The following CHSY3 variants were observed in gnomAD, a reference collection of about 807,000 sequenced individuals.
CHSY3 encodes the protein N-acetylgalactosaminyl-proteoglycan 3-beta-glucuronosyltransferase 3.
CHSY3 carries 35 observed loss-of-function variants against 67.2 expected under a neutral mutation model. That is an observed-to-expected ratio of 0.52 (90% CI 0.40 to 0.69). The LOEUF (loss-of-function observed/expected upper bound fraction) is 0.69. Among genes scored for constraint, CHSY3 ranks in the 30% least tolerant of loss-of-function variants. The pLI is 0.00. For synonymous variants in CHSY3, 474 were observed against 434.7 expected, an observed-to-expected ratio of 1.09 and a Z score of -1.12; for missense variants, 1,069 against 1,138.5, an observed-to-expected ratio of 0.94 and a Z score of 0.88.
At chr5:130,024,083 T>C (rs528692904) in intron 2 of CHSY3, among the ~76,000 whole-genome samples, 29 of 148,246 alleles carry the variant, frequency 2.0e-4, no homozygotes, top group Middle Eastern at 3.4e-3. Context: ...GTAGTACTTA[T>C]ATCTCCTATT....
intron 2 of CHSY3, among the ~76,000 whole-genome samples, chr5:129,933,121 G>GAT (rs1471078395): frequency 6.6e-6 from 1 of 152,130 alleles, no homozygotes; most frequent in Non-Finnish European, 1.5e-5. Flanking sequence ...AATGTCTCAT[G>GAT]ATAACCTCCT....
At chr5:130,078,830 A>T (rs1243080665) in intron 2 of CHSY3, among the ~76,000 whole-genome samples, 1 of 152,174 alleles carries the variant, frequency 6.6e-6, no homozygotes, top group Non-Finnish European at 1.5e-5. Context: ...AGCTGTTGAG[A>T]AACAGCTGTG....
chr5:129,905,224 G>A lies in CHSY3; in HGVS notation c.395G>A (p.Gly132Glu). The A allele has an allele frequency of 1.3e-6, 2 of 1,499,962 alleles. No individual in the cohort carries two copies. The highest frequency in any genetic ancestry group is 1.4e-5 in the African/African-American group (1 of 70,010). The allele number at this position is 1,499,962 out of a possible 1,614,324, so 92.9% of individuals were successfully genotyped here. ...CTTCCCGGTGCTCCAGCGGCCGAGG[G>A]GGAGCCCGAGGAGGAGGACGGGGGC... ...TGLPGAPAAEGEPEEEDGGAA... is the reference protein window; with the variant it reads ...TGLPGAPAAEEEPEEEDGGAA... The change falls in exon 1 of 3, where the codon GGG becomes GAG. Residue 132 changes from glycine to glutamate, a missense_variant. Transcript: ENST00000305031.
chr5:130,017,484 C>T (rs1239325468), intron 2 of CHSY3, among the ~76,000 whole-genome samples: 1 of 151,982 alleles, frequency 6.6e-6, no homozygotes, highest in Non-Finnish European at 1.5e-5. Flanking sequence ...GCTGGGGTAG[C>T]GTACTTTCTA....
At chr5:129,912,941 A>C (rs934650423) in intron 2 of CHSY3, among the ~76,000 whole-genome samples, 1 of 152,212 alleles carries the variant, frequency 6.6e-6, no homozygotes, top group African/African-American at 2.4e-5. Context: ...CTTTATAAGC[A>C]AAGATTACTA....
At chr5:129,999,345 G>T (rs1763651842) in intron 2 of CHSY3, among the ~76,000 whole-genome samples, 1 of 152,010 alleles carries the variant, frequency 6.6e-6, no homozygotes, top group Admixed American at 6.6e-5. Flanking sequence ...TTGCAGTTAT[G>T]CAGAAGAGGC....
At chr5:130,177,219 A>ATG (rs200766579) in intron 2 of CHSY3, among the ~76,000 whole-genome samples, 2,030 of 150,880 alleles carry the variant, frequency 0.013, 18 homozygotes, top group African/African-American at 0.017. Context: ...GTGTATATAT[A>ATG]TGTGTGTGTG....
At chr5:129,953,991 T>G (rs1762098759) in intron 2 of CHSY3, among the ~76,000 whole-genome samples, 2 of 152,254 alleles carry the variant, frequency 1.3e-5, no homozygotes, top group African/African-American at 4.8e-5. Flanking sequence ...TAATTAGATC[T>G]GAGTTGTCAA....
At chr5:129,998,339 A>C (rs905862596) in intron 2 of CHSY3, among the ~76,000 whole-genome samples, 2 of 152,214 alleles carry the variant, frequency 1.3e-5, no homozygotes, top group Non-Finnish European at 1.5e-5. Context: ...AAATTGCTGC[A>C]TACTGTTTCA....
intron 2 of CHSY3, among the ~76,000 whole-genome samples, chr5:130,084,370 C>CTTGATTT (rs1371966133): frequency 6.6e-6 from 1 of 151,926 alleles, no homozygotes; most frequent in Non-Finnish European, 1.5e-5. Flanking sequence ...ATGCAATTAG[C>CTTGATTT]TTGATTTGAT....
chr5:130,166,832 C>T, intron 2 of CHSY3, among the ~76,000 whole-genome samples: 1 of 152,028 alleles, frequency 6.6e-6, no homozygotes, highest in African/African-American at 2.4e-5. Context: ...TTGATTGCAC[C>T]ACAAGGAGTA....
chr5:129,933,325 G>C (rs939445397), intron 2 of CHSY3, among the ~76,000 whole-genome samples: 1 of 152,120 alleles, frequency 6.6e-6, no homozygotes, highest in African/African-American at 2.4e-5. Flanking sequence ...TTTGAAATTA[G>C]CATCAGGTTG....
chr5:130,164,312 T>C lies in CHSY3; in HGVS notation c.1087-19917T>C, dbSNP rs140203145. On this transcript the variant is annotated intron_variant, in intron 2 of 2. Transcript: ENST00000305031. The stretch of plus-strand genomic sequence containing the variant: ...AAACAACAGGATAATTAGGGAGCAG[T>C]TGTAAAAAAGAAATAAAATTGATTG... Among the ~76,000 whole-genome samples the C allele has an allele frequency of 5.1e-3, 782 of 152,070 alleles. 1 individual carries two copies. The highest frequency in any genetic ancestry group is 7.6e-3 in the Non-Finnish European group (514 of 67,962).
At chr5:129,965,991 G>A (rs967486830) in intron 2 of CHSY3, among the ~76,000 whole-genome samples, 3 of 151,836 alleles carry the variant, frequency 2.0e-5, no homozygotes, top group African/African-American at 7.2e-5. Context: ...ACATATTTTG[G>A]TGAGGGGAGC....
At chr5:129,948,894 C>T (rs994080135) in intron 2 of CHSY3, among the ~76,000 whole-genome samples, 4 of 152,074 alleles carry the variant, frequency 2.6e-5, no homozygotes, top group African/African-American at 9.7e-5. Flanking sequence ...ATTGTTGAAT[C>T]AACTGGTAAA....
In CHSY3 at chr5:129,915,557, C is replaced by T. The variant is rs140443943; in HGVS notation, c.1086+7197C>T. On this transcript the variant is annotated intron_variant, in intron 2 of 2. Coordinates refer to ENST00000305031, the MANE Select transcript of CHSY3 (RefSeq NM_175856.5). ...ATTTTTTGAGATTTAAAAAGTTTTA[C>T]TCAACCTTTGTAATTTTGAAAGCTA... Among the ~76,000 whole-genome samples the T allele has an allele frequency of 4.6e-4, 70 of 152,294 alleles. 1 individual carries two copies. The East Asian group carries it at 9.2e-3, about 20-fold the overall frequency.
At chr5:130,121,506 G>A (rs1290114559) in intron 2 of CHSY3, among the ~76,000 whole-genome samples, 1 of 152,056 alleles carries the variant, frequency 6.6e-6, no homozygotes, top group Non-Finnish European at 1.5e-5. Flanking sequence ...ACTTCTCCTG[G>A]AGCTTCCTTG....
chr5:130,072,360 T>C (rs1167376367), intron 2 of CHSY3, among the ~76,000 whole-genome samples: 2 of 152,148 alleles, frequency 1.3e-5, no homozygotes. Context: ...TTTATTCTAA[T>C]GTCATTCTTC....
intron 2 of CHSY3, among the ~76,000 whole-genome samples, chr5:129,937,417 C>G (rs553118528): frequency 6.6e-6 from 1 of 152,306 alleles, no homozygotes; most frequent in South Asian, 2.1e-4. Context: ...TCCTCCAACA[C>G]TGGAAATTAC....
Sources: gnomAD v4.1 joint callset for allele counts (sites outside exome capture counted in the v4.1 genomes callset) on GRCh38, gnomAD v4.1.1 for gene constraint, MANE v1.5 for transcripts, NCBI Gene and HGNC (gene_info 2026-07-23, HGNC 2026-07-21) for gene names.